The following MTSS1 variants were observed in gnomAD, a reference collection of about 807,000 sequenced individuals.
MTSS1 encodes protein MTSS 1.
Under a neutral mutation model 79.0 loss-of-function variants are expected in MTSS1, and 18 were observed. The ratio of observed to expected loss-of-function variants is 0.23; its 90% CI spans 0.16 to 0.34. The LOEUF is 0.34. Ranked by LOEUF, MTSS1 falls within the 10% of genes least tolerant of loss-of-function variation. The pLI is 1.00. For synonymous variants in MTSS1, 341 were observed against 368.6 expected (o/e 0.93, Z 0.86); for missense variants, 815 against 986.2 (o/e 0.83, Z 2.33).
At chr8:124,701,266 A>G (rs1829660799) in intron 2 of MTSS1, among the ~76,000 whole-genome samples, 1 of 152,160 alleles carries the variant, frequency 6.6e-6, no homozygotes, top group South Asian at 2.1e-4. Flanking sequence ...AAAAGAAAGA[A>G]AAAGGGAAAG....
chr8:124,618,469 A>AT (rs537625413), intron 3 of MTSS1, among the ~76,000 whole-genome samples: 2 of 152,150 alleles, frequency 1.3e-5, no homozygotes, highest in Non-Finnish European at 2.9e-5. Flanking sequence ...CTGTGTACCA[A>AT]TTTTTTCATT....
At position 124,721,485 on chromosome 8, in the gene MTSS1, T is replaced by C. The variant is rs561054428; in HGVS notation, c.72+6399A>G. Among the ~76,000 whole-genome samples, 199 of 149,154 alleles carry C rather than the reference T, an allele frequency of 1.3e-3. 5 individuals carry two copies. The South Asian group carries it at 0.042, about 31-fold the overall frequency. On this transcript the variant is annotated intron_variant, in intron 1 of 13. Coordinates refer to ENST00000518547, the MANE Select transcript of MTSS1 (RefSeq NM_014751.6). The stretch of plus-strand genomic sequence containing the variant: ...AGTGCAGTGGCGTGATCTCAGCTCA[T>C]TGCAACCTCTGCCTCCCGGGTTCAA...
chr8:124,630,214 G>A (rs1371095377), intron 3 of MTSS1, among the ~76,000 whole-genome samples: 1 of 152,214 alleles, frequency 6.6e-6, no homozygotes, highest in East Asian at 1.9e-4. Context: ...AAGAGGTTGT[G>A]GACCCTAAAG....
At chr8:124,715,955 A>G (rs111282703) in intron 1 of MTSS1, among the ~76,000 whole-genome samples, 5,063 of 152,304 alleles carry the variant, frequency 0.033, 250 homozygotes, top group African/African-American at 0.11. Flanking sequence ...TGGGGAAAAC[A>G]ACAAGTGTTT....
intron 6 of MTSS1, among the ~76,000 whole-genome samples, chr8:124,581,628 G>C (rs1374187808): frequency 1.3e-5 from 2 of 151,684 alleles, no homozygotes; most frequent in African/African-American, 4.9e-5. Context: ...GCTAATTTTT[G>C]TATTTTTAGT....
At chr8:124,664,825 C>T (rs537640296) in intron 3 of MTSS1, among the ~76,000 whole-genome samples, 1 of 152,342 alleles carries the variant, frequency 6.6e-6, no homozygotes, top group Admixed American at 6.5e-5. Flanking sequence ...AACTGCTACA[C>T]ATCTGGCACT....
intron 3 of MTSS1, among the ~76,000 whole-genome samples, chr8:124,600,233 C>T (rs574897673): frequency 5.3e-5 from 8 of 151,160 alleles, no homozygotes; most frequent in South Asian, 2.1e-4. Flanking sequence ...ATACTTAATT[C>T]GATGGCATTT....
chr8:124,572,056 T>C (rs13261695), intron 6 of MTSS1, among the ~76,000 whole-genome samples: 10,271 of 152,252 alleles, frequency 0.067, 445 homozygotes, highest in East Asian at 0.18. Context: ...TCACAAGTTA[T>C]AAGGCACATG....
At chr8:124,661,769 C>T (rs989456659) in intron 3 of MTSS1, among the ~76,000 whole-genome samples, 5 of 152,224 alleles carry the variant, frequency 3.3e-5, no homozygotes, top group African/African-American at 9.6e-5. Context: ...CTCTTTCCCA[C>T]AACTCACCAT....
Position 124,714,574 on chromosome 8 carries a change from T to C in MTSS1, c.73-10383A>G, listed in dbSNP as rs542262159. Among the ~76,000 whole-genome samples, 7 of 152,278 alleles carry C rather than the reference T, an allele frequency of 4.6e-5. No individual in the cohort carries two copies. The East Asian group carries it at 1.4e-3, about 29-fold the overall frequency. On this transcript the variant is annotated intron_variant, in intron 1 of 13. Transcript: ENST00000518547. ...GCCTCCAGGGTTCAAGTGATCTTCC[T>C]GCCCCAGCCTCTGTGTAGCTGGGAC...
chr8:124,567,045 G>A (rs765744267), intron 8 of MTSS1, 26 bp downstream of exon 8: 4 of 1,554,542 alleles, frequency 2.6e-6, no homozygotes, highest in Middle Eastern at 1.7e-4. Context: ...GTTTGATCCT[G>A]TAAGTGCTTA....
At chr8:124,636,304 T>C (rs1207388583) in intron 3 of MTSS1, among the ~76,000 whole-genome samples, 1 of 152,196 alleles carries the variant, frequency 6.6e-6, no homozygotes, top group Non-Finnish European at 1.5e-5. Context: ...TAATTTTTTG[T>C]ATTTTTAGTT....
At chr8:124,568,933 T>G in intron 6 of MTSS1, 1 of 1,189,586 alleles carries the variant, frequency 8.4e-7, no homozygotes, top group South Asian at 2.6e-5. Context: ...CTGTGGGTGT[T>G]TCCAAAAACG....
chr8:124,575,884 T>C (rs1828877501), intron 6 of MTSS1, among the ~76,000 whole-genome samples: 1 of 152,216 alleles, frequency 6.6e-6, no homozygotes, highest in African/African-American at 2.4e-5. Flanking sequence ...CTCCACCATC[T>C]GCCAACCTGA....
At chr8:124,712,786 T>C (rs1831361023) in intron 1 of MTSS1, among the ~76,000 whole-genome samples, 1 of 149,234 alleles carries the variant, frequency 6.7e-6, no homozygotes, top group Admixed American at 6.7e-5. Context: ...AATATGCCTA[T>C]GAAAAGGAAG....
intron 3 of MTSS1, among the ~76,000 whole-genome samples, chr8:124,595,874 C>CCAT (rs1428268749): frequency 1.3e-5 from 2 of 152,224 alleles, no homozygotes; most frequent in African/African-American, 4.8e-5. Flanking sequence ...GATGCTAACT[C>CCAT]CATCCCCTTT....
chr8:124,555,950 G>GCGC lies in MTSS1; in HGVS notation c.1405-47_1405-46insGCG, dbSNP rs757562406. On this transcript the variant is annotated intron_variant, in intron 12 of 13. Coordinates refer to ENST00000518547, the MANE Select transcript of MTSS1 (RefSeq NM_014751.6). ...ATACACAGGTTGCTTTAGGGGGGGG[G>GCGC]CTCAACAGCACTCCTGTTCTGCCCC... The GCGC allele has an allele frequency of 2.0e-6, 3 of 1,531,164 alleles. No homozygotes were observed. The African/African-American group carries it at 4.1e-5, about 21-fold the overall frequency. The allele number at this position is 1,531,164 out of a possible 1,614,324, so 94.8% of individuals were successfully genotyped here.
intron 1 of MTSS1, among the ~76,000 whole-genome samples, chr8:124,707,227 T>G (rs995349235): frequency 7.9e-5 from 12 of 151,850 alleles, no homozygotes; most frequent in Admixed American, 3.9e-4. Context: ...TGGAGAAATA[T>G]TATTAAGACG....
intron 3 of MTSS1, chr8:124,698,052 C>A (rs1374984238): frequency 6.6e-6 from 1 of 152,196 alleles, no homozygotes; most frequent in African/African-American, 2.4e-5. Flanking sequence ...TGTTGAAATT[C>A]TTTATTTATA....
Sources: allele counts gnomAD v4.1 joint callset (sites outside exome capture counted in the v4.1 genomes callset), GRCh38; gene constraint gnomAD v4.1.1; transcripts MANE v1.5; gene names NCBI Gene and HGNC (gene_info 2026-07-23, HGNC 2026-07-21).